The following CD99L2 variants were observed in gnomAD, a reference collection of about 807,000 sequenced individuals.
CD99L2 encodes CD99 molecule like 2.
Under a neutral mutation model 27.3 loss-of-function variants are expected in CD99L2, and 24 were observed. That is an observed-to-expected ratio of 0.88 (90% confidence interval 0.64 to 1.24). The LOEUF is 1.24. CD99L2 is among the 50% of genes most tolerant of loss of function. The pLI, the probability that CD99L2 is intolerant of heterozygous loss-of-function variation, is 0.00. For synonymous variants in CD99L2, 97 were observed against 87.9 expected, an observed-to-expected ratio of 1.10 and a Z score of -0.58; for missense variants, 255 against 221.6, an observed-to-expected ratio of 1.15 and a Z score of -0.96.
At chrX:150,833,365 T>C (rs1168567574) in intron 1 of CD99L2, among the ~76,000 whole-genome samples, 2 of 111,690 alleles carry the variant, frequency 1.8e-5, no homozygotes, top group Admixed American at 1.9e-4. Context: ...AGAATATTGT[T>C]AAAATGTCTA....
chrX:150,887,371 G>A (rs1310123497), intron 1 of CD99L2, among the ~76,000 whole-genome samples: 2 of 109,525 alleles, frequency 1.8e-5, no homozygotes, highest in Admixed American at 9.8e-5. Flanking sequence ...GCTTGAGCCC[G>A]GGAGGCGGAG....
At chrX:150,816,861 A>G (rs1457078686) in intron 2 of CD99L2, among the ~76,000 whole-genome samples, 3 of 110,162 alleles carry the variant, frequency 2.7e-5, no homozygotes, top group Non-Finnish European at 5.7e-5. Flanking sequence ...GGAATACTAT[A>G]CAGCCATAGA....
At position 150,867,890 on chromosome X, in the gene CD99L2, C is replaced by T. The variant is rs1487855366; in HGVS notation, c.67+30632G>A. 6.3e-3 allele frequency among the ~76,000 whole-genome samples: 188 copies of T among 30,036 alleles called. 1 individual carries two copies. The highest frequency in any genetic ancestry group is 7.7e-3 in the Non-Finnish European group (154 of 19,918). 26.1% of individuals were successfully genotyped at this position (30,036 alleles called of 115,157 possible). A position where few individuals can be genotyped will look rare whatever the true frequency, so the allele number is the denominator to read the frequency against. On this transcript the variant is annotated intron_variant, in intron 1 of 10. Coordinates refer to ENST00000370377, the MANE Select transcript of CD99L2 (RefSeq NM_031462.4). The stretch of plus-strand genomic sequence containing the variant: ...CCTGGGCGACAGAGTGAGACTCTGT[C>T]TCAAAAAAAAAAAAAAAAAAAAAAA...
rs182031536 is a variant in CD99L2, at chrX:150,800,164, A to C, written c.278-4678T>G. Among the ~76,000 whole-genome samples, 17 of 112,377 alleles carry C rather than the reference A, an allele frequency of 1.5e-4. No individual in the cohort carries two copies. In the East Asian group the frequency reaches 4.4e-3, roughly 29 times the overall value. On this transcript the variant is annotated intron_variant, in intron 4 of 10. Coordinates refer to ENST00000370377, the MANE Select transcript of CD99L2 (RefSeq NM_031462.4). ...TTGTGCAATTCTGCTTATAAGAGGT[A>C]CCTAGAATGGGCAAATTCTTAGAGA...
intron 1 of CD99L2, among the ~76,000 whole-genome samples, chrX:150,850,553 G>A (rs1268779531): frequency 8.9e-6 from 1 of 112,638 alleles, no homozygotes; most frequent in Non-Finnish European, 1.9e-5. Flanking sequence ...AGAGATAAAT[G>A]TTGCAACAAA....
chrX:150,799,343 A>G (rs1557420021), intron 4 of CD99L2, among the ~76,000 whole-genome samples: 2 of 107,989 alleles, frequency 1.9e-5, no homozygotes, highest in Non-Finnish European at 3.8e-5. Context: ...ACCAAAAAAA[A>G]AAAAACAACA....
intron 1 of CD99L2, among the ~76,000 whole-genome samples, chrX:150,843,050 C>G (rs1218473301): frequency 8.9e-6 from 1 of 112,375 alleles, no homozygotes; most frequent in African/African-American, 3.2e-5. Context: ...GATTTCATGC[C>G]AAGAGCAAGC....
chrX:150,790,560 C>T (rs1254378765), intron 7 of CD99L2, among the ~76,000 whole-genome samples: 2 of 111,494 alleles, frequency 1.8e-5, no homozygotes, highest in Non-Finnish European at 3.8e-5. Flanking sequence ...AGAAACTGAA[C>T]ATAAACACTG....
At chrX:150,781,240 T>G (rs1432848293) in intron 7 of CD99L2, among the ~76,000 whole-genome samples, 1 of 112,217 alleles carries the variant, frequency 8.9e-6, no homozygotes, top group African/African-American at 3.2e-5. Flanking sequence ...AAAAAATGGT[T>G]TCAGGATAGC....
chrX:150,784,372 C>A (rs1557419499), intron 7 of CD99L2, among the ~76,000 whole-genome samples: 1 of 111,189 alleles, frequency 9.0e-6, no homozygotes, highest in Non-Finnish European at 1.9e-5. Flanking sequence ...TACAGCAGCA[C>A]CCTCAAGAGC....
chrX:150,791,276 G>A (rs1159046060), intron 7 of CD99L2, among the ~76,000 whole-genome samples: 3 of 111,910 alleles, frequency 2.7e-5, no homozygotes, highest in Non-Finnish European at 3.8e-5. Flanking sequence ...TGTCTGCTTA[G>A]ACAGTCTAGA....
In CD99L2 at chrX:150,855,482, G is replaced by C. The variant is rs936054778; in HGVS notation, c.68-24189C>G. ...TGGTGGAGCAGGAGAGAGACTGTGAGGGGGGAAGTGCCACACACTTTTAAA... is the reference window on the plus strand; with the variant it reads ...TGGTGGAGCAGGAGAGAGACTGTGACGGGGGAAGTGCCACACACTTTTAAA... On this transcript the variant is annotated intron_variant, in intron 1 of 10. Coordinates refer to ENST00000370377, the MANE Select transcript of CD99L2 (RefSeq NM_031462.4). Among the ~76,000 whole-genome samples, 4 of 111,319 alleles carry C rather than the reference G, an allele frequency of 3.6e-5. No homozygotes were observed. The Admixed American group carries it at 3.8e-4, about 11-fold the overall frequency.
At chrX:150,798,836 C>T (rs1386061964) in intron 4 of CD99L2, among the ~76,000 whole-genome samples, 3 of 112,500 alleles carry the variant, frequency 2.7e-5, no homozygotes, top group East Asian at 2.8e-4. Flanking sequence ...GTGCAACCTC[C>T]GCCTTCCAGA....
intron 1 of CD99L2, among the ~76,000 whole-genome samples, chrX:150,866,819 C>T (rs2047068633): frequency 9.0e-6 from 1 of 111,348 alleles, no homozygotes; most frequent in Non-Finnish European, 1.9e-5. Context: ...CACAGGTACC[C>T]CTACAATATG....
chrX:150,881,689 A>G (rs2124369675), intron 1 of CD99L2, among the ~76,000 whole-genome samples: 1 of 112,192 alleles, frequency 8.9e-6, no homozygotes, highest in South Asian at 3.7e-4. Flanking sequence ...GTCTTGTATC[A>G]CTGTCCTGAT....
chrX:150,831,690 C>A (rs1557421071), intron 1 of CD99L2, among the ~76,000 whole-genome samples: 1 of 111,044 alleles, frequency 9.0e-6, no homozygotes. Flanking sequence ...GTACAACAAA[C>A]CCCCATGATA....
At chrX:150,874,338 G>A in intron 1 of CD99L2, among the ~76,000 whole-genome samples, 1 of 112,127 alleles carries the variant, frequency 8.9e-6, no homozygotes. Context: ...TAGTGGTTTA[G>A]TAGCCCATCA....
At chrX:150,890,150 C>CT (rs2047485186) in intron 1 of CD99L2, among the ~76,000 whole-genome samples, 1 of 73,656 alleles carries the variant, frequency 1.4e-5, no homozygotes, top group African/African-American at 1.0e-4. Flanking sequence ...GACTCCGTCT[C>CT]AAAATAAATA....
chrX:150,887,063 T>C (rs917409163), intron 1 of CD99L2, among the ~76,000 whole-genome samples: 3 of 108,522 alleles, frequency 2.8e-5, no homozygotes, highest in Non-Finnish European at 5.7e-5. Context: ...GAAGATCCCC[T>C]GAGCCCAGGG....
Sources: allele counts gnomAD v4.1 joint callset (sites outside exome capture counted in the v4.1 genomes callset), GRCh38; gene constraint gnomAD v4.1.1; transcripts MANE v1.5; gene names NCBI Gene and HGNC (gene_info 2026-07-23, HGNC 2026-07-21).